SCEL: variants seen among roughly 807,000 people sequenced by gnomAD.
SCEL encodes sciellin.
A neutral mutation model predicts 117.6 loss-of-function variants in SCEL; 113 were observed. The ratio of observed to expected loss-of-function variants is 0.96; its 90% CI spans 0.83 to 1.12. SCEL has a LOEUF of 1.12. Ranked by LOEUF, SCEL falls within the 50% of genes most tolerant of loss-of-function variation. The pLI is 0.00. For missense variants in SCEL, 785 were observed against 810.8 expected (o/e 0.97, Z 0.39); for synonymous variants, 270 against 256.2 (o/e 1.05, Z -0.51).
chr13:77,632,341 A>G (rs186237932), intron 28 of SCEL, among the ~76,000 whole-genome samples: 2 of 152,320 alleles, frequency 1.3e-5, no homozygotes, highest in Admixed American at 6.5e-5. Context: ...GACGCTGTCT[A>G]CTTCTTAAAG....
At chr13:77,612,801 G>A in intron 22 of SCEL, 90 bp from the exon 23 acceptor site, 1 of 676,818 alleles carries the variant, frequency 1.5e-6, no homozygotes, top group South Asian at 2.4e-5. Flanking sequence ...TTTTAAATTA[G>A]CAGGTCATTT....
intron 16 of SCEL, 198 bp from the exon 17 acceptor site, chr13:77,602,456 A>G: frequency 3.8e-6 from 2 of 523,870 alleles, no homozygotes; most frequent in South Asian, 6.8e-5. Flanking sequence ...GCCTTTCTAA[A>G]CTGATTTAGA....
At chr13:77,637,322 A>G (rs1374770288) in intron 30 of SCEL, 128 bp downstream of exon 30, 2 of 176,928 alleles carry the variant, frequency 1.1e-5, no homozygotes, top group Non-Finnish European at 2.2e-5. Flanking sequence ...ATATATAAAT[A>G]TATATACATA....
chr13:77,570,581 C>T lies in SCEL; in HGVS notation c.479+1130C>T, dbSNP rs533372472. Among the ~76,000 whole-genome samples the T allele has an allele frequency of 2.2e-3, 328 of 152,282 alleles. 3 individuals are homozygous for T. The South Asian group carries it at 0.027, about 13-fold the overall frequency. ...TCCTTGTCTTAGTTGAGTTCTGCAG[C>T]GGCTCAGAGAATAGACCTACTTAAA... On this transcript the variant is annotated intron_variant, in intron 8 of 32. Coordinates refer to ENST00000349847, the MANE Select transcript of SCEL (RefSeq NM_144777.3).
At chr13:77,594,335 A>G (rs1242385103) in intron 12 of SCEL, among the ~76,000 whole-genome samples, 1 of 152,118 alleles carries the variant, frequency 6.6e-6, no homozygotes, top group Non-Finnish European at 1.5e-5. Context: ...TTTCACTCCT[A>G]TATTTATCCT....
At chr13:77,541,518 CTT>C (rs1231205622) in intron 1 of SCEL, among the ~76,000 whole-genome samples, 1 of 152,060 alleles carries the variant, frequency 6.6e-6, no homozygotes, top group African/African-American at 2.4e-5. Context: ...TGGTGAAAGA[CTT>C]TTGTATGGTT....
At chr13:77,627,048 C>T (rs1208021700) in intron 27 of SCEL, among the ~76,000 whole-genome samples, 5 of 151,950 alleles carry the variant, frequency 3.3e-5, no homozygotes, top group African/African-American at 1.2e-4. Context: ...TTAATGCAGC[C>T]CAAGATATAA....
intron 31 of SCEL, among the ~76,000 whole-genome samples, chr13:77,641,060 C>G (rs1312675331): frequency 6.6e-6 from 1 of 152,040 alleles, no homozygotes; most frequent in Non-Finnish European, 1.5e-5. Flanking sequence ...CCCACTTGTT[C>G]TTTTTATAAA....
At chr13:77,588,740 T>C (rs539778886) in intron 9 of SCEL, among the ~76,000 whole-genome samples, 13 of 152,284 alleles carry the variant, frequency 8.5e-5, no homozygotes, top group African/African-American at 2.9e-4. Flanking sequence ...GCTGTTTCCA[T>C]AGCAGCCTGA....
intron 9 of SCEL, among the ~76,000 whole-genome samples, chr13:77,583,622 A>G (rs2086388814): frequency 6.6e-6 from 1 of 152,250 alleles, no homozygotes; most frequent in Non-Finnish European, 1.5e-5. Flanking sequence ...TACCTGGAAG[A>G]GAATTGGTTG....
chr13:77,628,628 AC>A (rs34830166), intron 28 of SCEL, among the ~76,000 whole-genome samples: 4 of 152,076 alleles, frequency 2.6e-5, no homozygotes, highest in Non-Finnish European at 5.9e-5. Context: ...AGCAATTCTT[AC>A]CCCTACATAT....
rs1439264917 is a variant in SCEL at position 77,556,590 on chromosome 13, T to C, written c.44-6T>C. On this transcript the variant is annotated splice_region_variant and splice_polypyrimidine_tract_variant and intron_variant, in intron 2 of 32. Coordinates refer to ENST00000349847, the MANE Select transcript of SCEL (RefSeq NM_144777.3). ...ATCTTCCAGTCTTTCATGTTTCTGT[T>C]GATAGAGATGAAGAGCACCACTCAG... 6.2e-7 allele frequency: 1 copy of C among 1,610,006 alleles called. No individual in the cohort carries two copies. Among genetic ancestry groups the C allele is most frequent in the Non-Finnish European group, 8.5e-7 (1 of 1,176,460 alleles).
intron 27 of SCEL, among the ~76,000 whole-genome samples, 163 bp downstream of exon 27, chr13:77,618,223 C>T (rs1323983830): frequency 1.3e-5 from 2 of 151,890 alleles, no homozygotes; most frequent in Non-Finnish European, 2.9e-5. Context: ...TTCTATCACC[C>T]AGGCTGGGGC....
At chr13:77,575,880 A>G (rs1362961081) in intron 9 of SCEL, among the ~76,000 whole-genome samples, 1 of 152,166 alleles carries the variant, frequency 6.6e-6, no homozygotes, top group Non-Finnish European at 1.5e-5. Context: ...TTGTCAGAAC[A>G]TGTTTTCTTT....
At chr13:77,622,236 T>G (rs1282008978) in intron 27 of SCEL, among the ~76,000 whole-genome samples, 2 of 152,234 alleles carry the variant, frequency 1.3e-5, no homozygotes, top group East Asian at 3.8e-4. Flanking sequence ...AAAAACAATT[T>G]AAATGAACTG....
intron 24 of SCEL, among the ~76,000 whole-genome samples, chr13:77,616,088 A>G (rs748810269): frequency 1.3e-5 from 2 of 149,944 alleles, no homozygotes; most frequent in Non-Finnish European, 3.0e-5. Flanking sequence ...TGTAAAATGT[A>G]TTTCTTATTG....
intron 22 of SCEL, 150 bp from the exon 23 acceptor site, chr13:77,612,741 T>G: frequency 2.0e-6 from 1 of 491,834 alleles, no homozygotes; most frequent in Non-Finnish European, 3.6e-6. Context: ...AATGAATTGA[T>G]AGTAGCCACC....
intron 3 of SCEL, among the ~76,000 whole-genome samples, chr13:77,557,239 C>G (rs571140089): frequency 4.9e-4 from 74 of 152,274 alleles, no homozygotes; most frequent in African/African-American, 1.8e-3. Flanking sequence ...TTACAACCAA[C>G]AAAATTTTGT....
At chr13:77,602,927 T>G in intron 17 of SCEL, 149 bp from the exon 18 acceptor site, 1 of 628,986 alleles carries the variant, frequency 1.6e-6, no homozygotes, top group Non-Finnish European at 2.6e-6. Flanking sequence ...ACTATGTTAT[T>G]GATTGGCAAT....
Sources: allele counts gnomAD v4.1 joint callset (sites outside exome capture counted in the v4.1 genomes callset), GRCh38; gene constraint gnomAD v4.1.1; transcripts MANE v1.5; gene names NCBI Gene and HGNC (gene_info 2026-07-23, HGNC 2026-07-21).